The following ANK3 variants were observed in gnomAD, a reference collection of about 807,000 sequenced individuals.
ANK3 encodes the protein ankyrin-3.
A neutral mutation model predicts 370.9 loss-of-function variants in ANK3; 57 were observed. That is an observed-to-expected ratio of 0.15 (90% confidence interval 0.12 to 0.19). ANK3 has a LOEUF of 0.19. Among genes scored for constraint, ANK3 ranks in the 10% least tolerant of loss-of-function variants. The pLI is 1.00. For missense variants in ANK3, 4,439 were observed against 5,302.1 expected (o/e 0.84, Z 5.06); for synonymous variants, 1,929 against 1,946.3 (o/e 0.99, Z 0.23).
intron 28 of ANK3, among the ~76,000 whole-genome samples, chr10:60,090,872 G>A (rs2088149283): frequency 6.6e-6 from 1 of 151,978 alleles, no homozygotes; most frequent in East Asian, 1.9e-4. Flanking sequence ...TATTCAAATT[G>A]AAAATGCACC....
chr10:60,579,891 A>T (rs568105418), intron 2 of ANK3, among the ~76,000 whole-genome samples: 3 of 152,268 alleles, frequency 2.0e-5, no homozygotes, highest in Admixed American at 1.3e-4. Flanking sequence ...ACATGGTAAA[A>T]TGATTCAGAA....
chr10:60,192,563 A>T (rs2096507056), intron 16 of ANK3, among the ~76,000 whole-genome samples: 1 of 152,154 alleles, frequency 6.6e-6, no homozygotes, highest in African/African-American at 2.4e-5. Context: ...CACAGATGAA[A>T]CTGGAGGCCA....
At chr10:60,216,711 C>A (rs1044936813) in intron 8 of ANK3, among the ~76,000 whole-genome samples, 2 of 152,058 alleles carry the variant, frequency 1.3e-5, no homozygotes, top group Admixed American at 6.6e-5. Flanking sequence ...ATCAGGGATA[C>A]TGGTCTGAAG....
chr10:60,218,777 A>G (rs749061213), intron 8 of ANK3, among the ~76,000 whole-genome samples: 8 of 152,000 alleles, frequency 5.3e-5, no homozygotes, highest in Non-Finnish European at 1.0e-4. Context: ...TGATCTTATC[A>G]TGGAGTATCT....
At chr10:60,521,390 T>C (rs368201575) in intron 2 of ANK3, among the ~76,000 whole-genome samples, 2 of 152,144 alleles carry the variant, frequency 1.3e-5, no homozygotes, top group East Asian at 1.9e-4. Flanking sequence ...GTACTCTACC[T>C]AGAAGCTATT....
At chr10:60,374,887 G>T (rs1022845704) in intron 1 of ANK3, among the ~76,000 whole-genome samples, 3 of 152,036 alleles carry the variant, frequency 2.0e-5, no homozygotes, top group Non-Finnish European at 4.4e-5. Context: ...GTGGACATAT[G>T]TTCATTTTTA....
chr10:60,049,046 G>C (rs893127781), intron 42 of ANK3, among the ~76,000 whole-genome samples: 1 of 152,190 alleles, frequency 6.6e-6, no homozygotes, highest in Non-Finnish European at 1.5e-5. Flanking sequence ...AAAAGCAACA[G>C]AAGTGTGACT....
chr10:60,090,041 G>A (rs544450793), intron 28 of ANK3, among the ~76,000 whole-genome samples: 1 of 152,050 alleles, frequency 6.6e-6, no homozygotes, highest in South Asian at 2.1e-4. Context: ...ATTAAAATCT[G>A]GCCAGGCGTG....
chr10:60,392,724 T>C (rs971849604), upstream of ANK3, among the ~76,000 whole-genome samples: 1 of 151,958 alleles, frequency 6.6e-6, no homozygotes, highest in Non-Finnish European at 1.5e-5. Context: ...AGGTCAGGAG[T>C]TCGAGACCAG....
At chr10:60,492,938 G>T (rs1235511874) in intron 2 of ANK3, among the ~76,000 whole-genome samples, 3 of 150,500 alleles carry the variant, frequency 2.0e-5, no homozygotes, top group Non-Finnish European at 4.4e-5. Context: ...AAATTAGCCG[G>T]GTGTAGTGGC....
At chr10:60,140,628 T>C (rs1006983523) in intron 23 of ANK3, 24 of 1,399,260 alleles carry the variant, frequency 1.7e-5, no homozygotes, top group South Asian at 3.4e-5. Context: ...CCCCACTTAA[T>C]TGAGGTTAAG....
At chr10:60,313,928 G>GTTTTTTTTTTTT (rs760802914) in intron 1 of ANK3, among the ~76,000 whole-genome samples, 1 of 132,124 alleles carries the variant, frequency 7.6e-6, no homozygotes. Flanking sequence ...TTTTGTTTTT[G>GTTTTTTTTTTTT]TTTTTTTTTT....
chr10:60,617,304 C>T (rs2078279573), intron 1 of ANK3, among the ~76,000 whole-genome samples: 1 of 149,430 alleles, frequency 6.7e-6, no homozygotes, highest in East Asian at 2.1e-4. Flanking sequence ...ATCTTTTACC[C>T]TTGGCTTTTT....
intron 39 of ANK3, among the ~76,000 whole-genome samples, chr10:60,063,749 G>T (rs1429608115): frequency 6.6e-6 from 1 of 152,120 alleles, no homozygotes; most frequent in South Asian, 2.1e-4. Flanking sequence ...CAACCAAGCT[G>T]AATAAAACTA....
At chr10:60,575,659 C>T (rs1360767487) in intron 2 of ANK3, among the ~76,000 whole-genome samples, 1 of 152,118 alleles carries the variant, frequency 6.6e-6, no homozygotes, top group Non-Finnish European at 1.5e-5. Context: ...AATTACATCT[C>T]TGAAACTGTG....
At chr10:60,082,421 A>G (rs190662948) in intron 34 of ANK3, 194 bp downstream of exon 34, 1 of 786,298 alleles carries the variant, frequency 1.3e-6, no homozygotes, top group East Asian at 2.7e-5. Context: ...AGCGATAAAC[A>G]GAGAAGACTC....
chr10:60,572,415 C>T (rs1220110144), intron 2 of ANK3: 1 of 1,514,450 alleles, frequency 6.6e-7, no homozygotes, highest in African/African-American at 1.4e-5. Context: ...TCACTTCCTC[C>T]CCAGAGCCAG....
chr10:60,353,966 G>A (rs1594360824), intron 1 of ANK3, among the ~76,000 whole-genome samples: 1 of 152,226 alleles, frequency 6.6e-6, no homozygotes, highest in Admixed American at 6.5e-5. Flanking sequence ...TGCTTGGCTT[G>A]CGCATCTCCA....
intron 23 of ANK3, among the ~76,000 whole-genome samples, chr10:60,142,452 C>A (rs917711850): frequency 2.0e-5 from 3 of 152,138 alleles, no homozygotes; most frequent in Admixed American, 2.0e-4. Flanking sequence ...CTTCCTGGGC[C>A]AGGTATATTG....
Sources: gnomAD v4.1 joint callset for allele counts (sites outside exome capture counted in the v4.1 genomes callset) on GRCh38, gnomAD v4.1.1 for gene constraint, MANE v1.5 for transcripts, NCBI Gene and HGNC (gene_info 2026-07-23, HGNC 2026-07-21) for gene names.